Variants in PPARD observed in about 807,000 individuals in gnomAD.
PPARD encodes the protein peroxisome proliferator-activated receptor delta.
PPARD carries 6 observed loss-of-function variants against 39.5 expected under a neutral mutation model. The ratio of observed to expected loss-of-function variants is 0.15; its 90% CI spans 0.08 to 0.30. The LOEUF is 0.30. PPARD is among the 10% of genes least tolerant of loss of function. PPARD has a pLI of 1.00. For missense variants in PPARD, 397 were observed against 596.8 expected (o/e 0.67, Z 3.49); for synonymous variants, 210 against 231.3 (o/e 0.91, Z 0.83).
chr6:35,396,354 G>A (rs1162233671), intron 2 of PPARD, among the ~76,000 whole-genome samples: 1 of 150,958 alleles, frequency 6.6e-6, no homozygotes, highest in Admixed American at 6.6e-5. Flanking sequence ...ATAGGCGCCC[G>A]CCACCACGCC....
At chr6:35,358,658 G>A (rs1761755206) in intron 2 of PPARD, among the ~76,000 whole-genome samples, 1 of 152,168 alleles carries the variant, frequency 6.6e-6, no homozygotes, top group Non-Finnish European at 1.5e-5. Flanking sequence ...AAGAGAGAAA[G>A]CCTCATATGG....
chr6:35,421,335 A>G (rs572502812), intron 4 of PPARD, among the ~76,000 whole-genome samples: 2,891 of 142,386 alleles, frequency 0.02, 39 homozygotes, highest in Non-Finnish European at 0.029. Context: ...GTTTTGTTTT[A>G]TTTTGTTTTG....
At chr6:35,392,758 C>A (rs1478486198) in intron 2 of PPARD, among the ~76,000 whole-genome samples, 1 of 152,120 alleles carries the variant, frequency 6.6e-6, no homozygotes, top group Non-Finnish European at 1.5e-5. Flanking sequence ...TAGAATGGCT[C>A]TTAGTGACCT....
At chr6:35,360,990 A>G (rs1243086030) in intron 2 of PPARD, among the ~76,000 whole-genome samples, 1 of 152,192 alleles carries the variant, frequency 6.6e-6, no homozygotes, top group Non-Finnish European at 1.5e-5. Context: ...CAGGGATCAT[A>G]GAGCTCGGGT....
chr6:35,349,174 C>T lies in PPARD; in HGVS notation c.-102+2024C>T, dbSNP rs939432972. On this transcript the variant is annotated intron_variant, in intron 2 of 7. Transcript: ENST00000360694. ...CTGAGTAGCTGGGACTACAGGCGCC[C>T]GCCACCACGCCCGGCTAATTTTTTG... Among the ~76,000 whole-genome samples the T allele has an allele frequency of 1.1e-4, 17 of 152,202 alleles. No homozygotes were observed. In the East Asian group the frequency reaches 2.3e-3, roughly 21 times the overall value.
chr6:35,380,291 C>G (rs1320021931), intron 2 of PPARD, among the ~76,000 whole-genome samples: 2 of 152,100 alleles, frequency 1.3e-5, no homozygotes, highest in African/African-American at 2.4e-5. Context: ...TGGCTGCTGT[C>G]CTCATGGTCC....
At chr6:35,379,098 T>A (rs1288892952) in intron 2 of PPARD, among the ~76,000 whole-genome samples, 1 of 143,468 alleles carries the variant, frequency 7.0e-6, no homozygotes, top group Non-Finnish European at 1.6e-5. Context: ...TTTTCTTTCT[T>A]TTTTTTTTTT....
chr6:35,418,580 A>T (rs1345202477), intron 3 of PPARD, among the ~76,000 whole-genome samples: 3 of 152,196 alleles, frequency 2.0e-5, no homozygotes, highest in Non-Finnish European at 4.4e-5. Flanking sequence ...CACACAGGAT[A>T]TGTCAGGCGG....
chr6:35,355,660 G>A (rs1426462630), intron 2 of PPARD, among the ~76,000 whole-genome samples: 2 of 122,442 alleles, frequency 1.6e-5, no homozygotes, highest in African/African-American at 6.4e-5. Context: ...TGCCCAGGCT[G>A]GAGTGCAGTG....
At chr6:35,416,416 T>C (rs112496754) in intron 3 of PPARD, among the ~76,000 whole-genome samples, 2 of 136,222 alleles carry the variant, frequency 1.5e-5, no homozygotes, top group African/African-American at 2.7e-5. Context: ...AAAAACACCT[T>C]CTTAGCACAT....
At chr6:35,403,804 G>A (rs1764853408) in intron 2 of PPARD, among the ~76,000 whole-genome samples, 1 of 152,220 alleles carries the variant, frequency 6.6e-6, no homozygotes, top group African/African-American at 2.4e-5. Flanking sequence ...GACAGGTCGC[G>A]AAGGAGAGAA....
intron 3 of PPARD, among the ~76,000 whole-genome samples, chr6:35,418,481 C>G (rs1765923043): frequency 6.6e-6 from 1 of 152,246 alleles, no homozygotes; most frequent in African/African-American, 2.4e-5. Context: ...TCACACAGCT[C>G]TCAGTGTCTG....
intron 2 of PPARD, among the ~76,000 whole-genome samples, chr6:35,361,103 G>C (rs1761903788): frequency 6.6e-6 from 1 of 152,228 alleles, no homozygotes. Context: ...AGAGAAGGGA[G>C]TAGCTCACTG....
chr6:35,394,885 C>T (rs946814291), intron 2 of PPARD, among the ~76,000 whole-genome samples: 1 of 152,052 alleles, frequency 6.6e-6, no homozygotes, highest in Non-Finnish European at 1.5e-5. Context: ...ACATTTGCTC[C>T]CTCATCTCAG....
At position 35,412,326 on chromosome 6, in the gene PPARD, G is replaced by A. The variant is rs1765483155; in HGVS notation, c.130+1109G>A. Among the ~76,000 whole-genome samples the A allele has an allele frequency of 6.6e-6, 1 of 152,190 alleles. No individual in the cohort carries two copies. Among genetic ancestry groups the A allele is most frequent in the Admixed American group, 6.6e-5 (1 of 15,264 alleles). On this transcript the variant is annotated intron_variant, in intron 3 of 7. Coordinates refer to ENST00000360694, the MANE Select transcript of PPARD (RefSeq NM_006238.5). This position sits in a 1 kb window ranked among gnomAD's most constrained non-coding sequence, Gnocchi z 4.1. ...GCTCATCCTCGCTCCTCCCCTTAGAGGGAACTCAGGGTCATAAGGATATAC... is the reference window on the plus strand; with the variant it reads ...GCTCATCCTCGCTCCTCCCCTTAGAAGGAACTCAGGGTCATAAGGATATAC...
chr6:35,343,765 T>C (rs1387922501), intron 1 of PPARD, among the ~76,000 whole-genome samples: 1 of 152,190 alleles, frequency 6.6e-6, no homozygotes, highest in Non-Finnish European at 1.5e-5. Context: ...GCCGGAGGCT[T>C]TGTCCAATTC....
chr6:35,401,930 T>C lies in PPARD; in HGVS notation c.-101-9057T>C, dbSNP rs544731731. 6.6e-5 allele frequency among the ~76,000 whole-genome samples: 10 copies of C among 152,264 alleles called. No individual in the cohort carries two copies. Among genetic ancestry groups the C allele is most frequent in the African/African-American group, 2.4e-4 (10 of 41,556 alleles). ...TGGCTCGGTCTCTGGTGAGTCTCTC[T>C]GCTGGCCGGCAGAACCACCCTACCC... On this transcript the variant is annotated intron_variant, in intron 2 of 7. Coordinates refer to ENST00000360694, the MANE Select transcript of PPARD (RefSeq NM_006238.5). This position sits in a 1 kb window ranked among gnomAD's most constrained non-coding sequence, Gnocchi z 4.1.
chr6:35,403,712 T>C (rs1435300732), intron 2 of PPARD, among the ~76,000 whole-genome samples: 1 of 152,096 alleles, frequency 6.6e-6, no homozygotes, highest in African/African-American at 2.4e-5. Flanking sequence ...TGATTGCAGA[T>C]CTGGAGGGCC....
intron 4 of PPARD, among the ~76,000 whole-genome samples, chr6:35,420,819 C>CTTTTTTTTTTTTT (rs35852986): frequency 4.7e-5 from 4 of 85,706 alleles, no homozygotes; most frequent in African/African-American, 8.4e-5. Context: ...AACAAAGAAG[C>CTTTTTTTTTTTTT]TTTTTTTTTT....
Sources: allele counts gnomAD v4.1 joint callset (sites outside exome capture counted in the v4.1 genomes callset), GRCh38; gene constraint gnomAD v4.1.1; non-coding constraint Gnocchi (gnomAD v3.1); transcripts MANE v1.5; gene names NCBI Gene and HGNC (gene_info 2026-07-23, HGNC 2026-07-21).